Variants in TP73 observed in about 807,000 individuals in gnomAD.
The protein encoded by TP73 is p53-like transcription factor.
TP73 carries 25 observed loss-of-function variants against 62.5 expected under a neutral mutation model. The ratio of observed to expected loss-of-function variants is 0.40; its 90% CI spans 0.29 to 0.56. The LOEUF (loss-of-function observed/expected upper bound fraction) is 0.56. TP73 is among the 20% of genes least tolerant of loss of function. TP73 has a pLI of 0.46. For synonymous variants in TP73, 423 were observed against 377.5 expected (o/e 1.12, Z -1.40); for missense variants, 754 against 913.3 (o/e 0.83, Z 2.25).
At chr1:3,664,609 TG>T (rs1352236531) in intron 1 of TP73, among the ~76,000 whole-genome samples, 2 of 152,220 alleles carry the variant, frequency 1.3e-5, no homozygotes, top group African/African-American at 4.8e-5. Context: ...CACAGCCTCC[TG>T]GCCTCCGGGT....
In TP73 at chr1:3,653,728, C is replaced by T. The variant is rs945298085; in HGVS notation, c.-34+1087C>T. Among the ~76,000 whole-genome samples, 5 of 152,214 alleles carry T rather than the reference C, an allele frequency of 3.3e-5. No homozygotes were observed. In the South Asian group the frequency reaches 6.2e-4, roughly 19 times the overall value. On this transcript the variant is annotated intron_variant, in intron 1 of 13. Coordinates refer to ENST00000378295, the MANE Select transcript of TP73 (RefSeq NM_005427.4). Reference sequence around the variant, plus strand: ...CTCTGGGGGAGGAGTAAACAAAGCGCGTGGCCTCTGGCACTTACTGAGCGC... The same window carrying T: ...CTCTGGGGGAGGAGTAAACAAAGCGTGTGGCCTCTGGCACTTACTGAGCGC...
chr1:3,658,434 C>A (rs188874807), intron 1 of TP73, among the ~76,000 whole-genome samples: 5 of 152,276 alleles, frequency 3.3e-5, no homozygotes, highest in Admixed American at 1.3e-4. Flanking sequence ...GTGCAGATGT[C>A]CGTCCTCTGT....
intron 3 of TP73, 132 bp from the exon 4 acceptor site, chr1:3,707,417 A>T: frequency 7.8e-7 from 1 of 1,286,080 alleles, no homozygotes; most frequent in Non-Finnish European, 1.1e-6. Context: ...GATGGGGGAG[A>T]GACCCGGGGA....
intron 6 of TP73, among the ~76,000 whole-genome samples, chr1:3,724,208 T>A (rs998876424): frequency 6.6e-6 from 1 of 151,956 alleles, no homozygotes; most frequent in South Asian, 2.1e-4. Context: ...GGGTTTGAAG[T>A]TACTGCGGGA....
At chr1:3,726,993 T>C (rs1017033809) in intron 6 of TP73, 122 bp from the exon 7 acceptor site, 6 of 722,282 alleles carry the variant, frequency 8.3e-6, no homozygotes, top group South Asian at 5.5e-5. Context: ...GCAACAACTA[T>C]AGAGCAGGGC....
At chr1:3,707,411 G>A (rs1025439465) in intron 3 of TP73, 138 bp from the exon 4 acceptor site, 1 of 1,251,578 alleles carries the variant, frequency 8.0e-7, no homozygotes, top group Non-Finnish European at 1.1e-6. Context: ...TGTTGGGATG[G>A]GGGAGAGACC....
chr1:3,656,596 C>T (rs191959345), intron 1 of TP73, among the ~76,000 whole-genome samples: 54 of 152,330 alleles, frequency 3.5e-4, no homozygotes, highest in Admixed American at 1.0e-3. Context: ...ATTCTACTTG[C>T]ACAGGGTCAC....
chr1:3,705,848 C>T (rs1373732787), intron 3 of TP73, among the ~76,000 whole-genome samples: 2 of 152,230 alleles, frequency 1.3e-5, no homozygotes, highest in East Asian at 3.9e-4. Context: ...ATGCGGCCCT[C>T]GTCAGGGACC....
intron 3 of TP73, among the ~76,000 whole-genome samples, chr1:3,685,293 G>T (rs933394955): frequency 6.6e-6 from 1 of 152,144 alleles, no homozygotes; most frequent in Non-Finnish European, 1.5e-5. Flanking sequence ...TCCATATCGG[G>T]GTCTGGTCCG....
In TP73 at chr1:3,701,564, G is replaced by T. The variant is rs1164117022; in HGVS notation, c.187-5985G>T. Reference sequence around the variant, plus strand: ...CTGTCACCCAGGCTGGAGTGCTGTGGCGTGATCTCAGCTCACTGCAACCTC... The same window carrying T: ...CTGTCACCCAGGCTGGAGTGCTGTGTCGTGATCTCAGCTCACTGCAACCTC... On this transcript the variant is annotated intron_variant, in intron 3 of 13. Coordinates refer to ENST00000378295, the MANE Select transcript of TP73 (RefSeq NM_005427.4). The surrounding 1 kb of genome is among the most constrained non-coding windows in gnomAD (Gnocchi z 4.7). 6.6e-6 allele frequency among the ~76,000 whole-genome samples: 1 copy of T among 152,156 alleles called. No individual in the cohort carries two copies. Among genetic ancestry groups the T allele is most frequent in the Non-Finnish European group, 1.5e-5 (1 of 68,028 alleles).
Position 3,704,306 on chromosome 1 carries a change from G to A in TP73, c.187-3243G>A, listed in dbSNP as rs375857975. Among the ~76,000 whole-genome samples, 31 of 152,308 alleles carry A rather than the reference G, an allele frequency of 2.0e-4. No homozygotes were observed. In the East Asian group the frequency reaches 2.7e-3, roughly 13 times the overall value. ...CTGTAATCAGTAGGAAATGGTGAGC[G>A]AGGTGTTTTCCGTTCTTTCCGTGGT... On this transcript the variant is annotated intron_variant, in intron 3 of 13. Transcript: ENST00000378295.
In TP73 at chr1:3,731,499, G is replaced by A. The variant is rs143515986; in HGVS notation, c.1521G>A (p.Glu507=). Residue 507 remains glutamate, a synonymous_variant, in exon 13 of 14, where the codon GAG becomes GAA. Transcript: ENST00000378295. The stretch of plus-strand genomic sequence containing the variant: ...GATTGGGGTGTCCAAACTGCATCGA[G>A]TATTTCACCTCCCAAGGGTTACAGA... ...LTGLGCPNCI[E]YFTSQGLQSI... The A allele has an allele frequency of 4.8e-5, 77 of 1,613,730 alleles. No homozygotes were observed. The highest frequency in any genetic ancestry group is 6.2e-5 in the Non-Finnish European group (73 of 1,180,040).
At chr1:3,707,852 C>T (rs771146517) in intron 4 of TP73, 61 bp downstream of exon 4, 1 of 1,560,282 alleles carries the variant, frequency 6.4e-7, no homozygotes, top group East Asian at 2.3e-5. Flanking sequence ...GAGGAGGTGG[C>T]TGCGTTCCCC....
chr1:3,658,806 C>T (rs958737343), intron 1 of TP73: 2 of 150,666 alleles, frequency 1.3e-5, no homozygotes, highest in Non-Finnish European at 3.0e-5. Context: ...TTTGGGGTGA[C>T]GTATTCTGGT....
chr1:3,698,946 G>C (rs1490630985), intron 3 of TP73, among the ~76,000 whole-genome samples: 1 of 152,208 alleles, frequency 6.6e-6, no homozygotes, highest in African/African-American at 2.4e-5. Context: ...ACTGCTCCTG[G>C]GGGCGCGTTT....
chr1:3,653,272 C>A (rs536845856), intron 1 of TP73, among the ~76,000 whole-genome samples: 2 of 152,344 alleles, frequency 1.3e-5, no homozygotes, highest in South Asian at 2.1e-4. Flanking sequence ...GTCTCCGGAG[C>A]GGTCCCAGGT....
chr1:3,683,049 C>T lies in TP73; in HGVS notation c.66-11C>T, dbSNP rs764517004. ...GGGACTGACGCTTCTATTTTCCTCT[C>T]CCTGCCCCAGGGAACCAGACAGCAC... On this transcript the variant is annotated splice_polypyrimidine_tract_variant and intron_variant, in intron 2 of 13. Transcript: ENST00000378295. The T allele has an allele frequency of 2.1e-5, 34 of 1,597,588 alleles. No individual in the cohort carries two copies. The highest frequency in any genetic ancestry group is 1.7e-4 in the South Asian group (15 of 90,400).
At chr1:3,688,285 CA>C (rs1645716687) in intron 3 of TP73, among the ~76,000 whole-genome samples, 1 of 152,206 alleles carries the variant, frequency 6.6e-6, no homozygotes, top group East Asian at 1.9e-4. Context: ...ACCCAGGTCT[CA>C]GAGCCTTGCA....
intron 1 of TP73, chr1:3,658,854 T>A (rs1644925715): frequency 6.6e-6 from 1 of 151,386 alleles, no homozygotes; most frequent in Admixed American, 6.6e-5. Context: ...TATTCTAGTC[T>A]CCTACAGTCA....
Sources: allele counts gnomAD v4.1 joint callset (sites outside exome capture counted in the v4.1 genomes callset), GRCh38; gene constraint gnomAD v4.1.1; non-coding constraint Gnocchi (gnomAD v3.1); transcripts MANE v1.5; gene names NCBI Gene and HGNC (gene_info 2026-07-23, HGNC 2026-07-21).